LPAR1: variants seen among roughly 807,000 people sequenced by gnomAD.
LPAR1 encodes LPA receptor 1.
In LPAR1, 5 loss-of-function variants were observed where a neutral mutation model predicts 23.8. The ratio of observed to expected loss-of-function variants is 0.21; its 90% CI spans 0.11 to 0.44. LPAR1 has a LOEUF of 0.44. Among genes scored for constraint, LPAR1 ranks in the 20% least tolerant of loss-of-function variants. LPAR1 has a pLI of 0.99. For missense variants in LPAR1, 311 were observed against 482.8 expected (o/e 0.64, Z 3.33); for synonymous variants, 160 against 164.7 (o/e 0.97, Z 0.22).
At chr9:110,889,316 CCACTG>C (rs1297238412) in intron 5 of LPAR1, among the ~76,000 whole-genome samples, 1 of 152,046 alleles carries the variant, frequency 6.6e-6, no homozygotes, top group Non-Finnish European at 1.5e-5. Context: ...CGAGATTGTA[CCACTG>C]CACTCCAGCC....
At chr9:110,897,085 T>C (rs184451483) in intron 5 of LPAR1, among the ~76,000 whole-genome samples, 10 of 152,236 alleles carry the variant, frequency 6.6e-5, no homozygotes, top group Admixed American at 2.6e-4. Flanking sequence ...GTGAACTCTT[T>C]AATCAGACAG....
intron 5 of LPAR1, among the ~76,000 whole-genome samples, chr9:110,897,325 T>A (rs1050065636): frequency 1.3e-5 from 2 of 152,176 alleles, no homozygotes; most frequent in Admixed American, 1.3e-4. Flanking sequence ...GCTCTCTCTT[T>A]GCCTGCCGCC....
Position 111,008,475 on chromosome 9 carries a change from C to T in LPAR1, c.-182+27647G>A, listed in dbSNP as rs567372128. On this transcript the variant is annotated intron_variant, in intron 2 of 5. Transcript: ENST00000683809. Reference sequence around the variant, plus strand: ...ATAATAAACTAGGGAGTCTGTCAGCCGATTATATCCCAATAATCCCAGGTG... The same window carrying T: ...ATAATAAACTAGGGAGTCTGTCAGCTGATTATATCCCAATAATCCCAGGTG... Among the ~76,000 whole-genome samples the T allele has an allele frequency of 2.2e-4, 34 of 152,136 alleles. No individual in the cohort carries two copies. In the South Asian group the frequency reaches 4.4e-3, roughly 20 times the overall value.
chr9:110,954,710 A>C (rs2095679970), intron 4 of LPAR1, among the ~76,000 whole-genome samples: 1 of 152,068 alleles, frequency 6.6e-6, no homozygotes. Flanking sequence ...AAAAACAAAC[A>C]AACAAACAAA....
intron 5 of LPAR1, among the ~76,000 whole-genome samples, chr9:110,939,666 A>G (rs1013339291): frequency 2.7e-5 from 4 of 149,782 alleles, no homozygotes; most frequent in African/African-American, 9.9e-5. Flanking sequence ...AAGAGGCACA[A>G]AAGTATGTGA....
At chr9:110,997,664 A>G (rs2097043887) in intron 2 of LPAR1, among the ~76,000 whole-genome samples, 1 of 152,184 alleles carries the variant, frequency 6.6e-6, no homozygotes, top group Admixed American at 6.5e-5. Flanking sequence ...AAGTCTCCTT[A>G]ATTCTGAAGC....
At chr9:110,984,407 C>T (rs1391575338) in intron 2 of LPAR1, among the ~76,000 whole-genome samples, 1 of 152,024 alleles carries the variant, frequency 6.6e-6, no homozygotes, top group African/African-American at 2.4e-5. Context: ...ATGACAAGAT[C>T]TTATTCCTTT....
At chr9:110,906,953 A>G (rs1048789770) in intron 5 of LPAR1, among the ~76,000 whole-genome samples, 3 of 141,126 alleles carry the variant, frequency 2.1e-5, no homozygotes, top group Non-Finnish European at 3.2e-5. Flanking sequence ...GATTCAGATT[A>G]ACATTTTAAT....
intron 5 of LPAR1, among the ~76,000 whole-genome samples, chr9:110,915,147 T>C (rs55705257): frequency 0.16 from 25,050 of 152,218 alleles, 2,627 homozygotes; most frequent in Admixed American, 0.24. Flanking sequence ...TGATTCATAG[T>C]TTTTCTTTAT....
At chr9:110,902,909 A>G (rs543984126) in intron 5 of LPAR1, among the ~76,000 whole-genome samples, 1 of 152,300 alleles carries the variant, frequency 6.6e-6, no homozygotes, top group South Asian at 2.1e-4. Flanking sequence ...AGACGCCAGG[A>G]GGAACCCTAG....
At chr9:110,930,741 C>G (rs903399360) in intron 5 of LPAR1, among the ~76,000 whole-genome samples, 2 of 151,806 alleles carry the variant, frequency 1.3e-5, no homozygotes, top group Admixed American at 1.3e-4. Context: ...CATGGAGAAA[C>G]CCCGTCTCTA....
At chr9:110,904,772 A>G (rs2090631344) in intron 5 of LPAR1, among the ~76,000 whole-genome samples, 1 of 152,232 alleles carries the variant, frequency 6.6e-6, no homozygotes, top group South Asian at 2.1e-4. Context: ...GACCACACCC[A>G]GTGATAATTC....
intron 2 of LPAR1, among the ~76,000 whole-genome samples, chr9:111,017,836 A>G (rs1489999925): frequency 1.3e-5 from 2 of 152,130 alleles, no homozygotes; most frequent in Non-Finnish European, 2.9e-5. Flanking sequence ...CCTGGCCAAC[A>G]TGGTGAAACC....
chr9:110,961,617 CAAA>C (rs57773067), intron 4 of LPAR1, among the ~76,000 whole-genome samples: 13,761 of 79,504 alleles, frequency 0.17, 676 homozygotes, highest in South Asian at 0.26. Context: ...GAGACTATCT[CAAA>C]AAAAAAAAAA....
chr9:111,038,516 G>A, upstream of LPAR1: 1 of 438,078 alleles, frequency 2.3e-6, no homozygotes, highest in Non-Finnish European at 4.6e-6. The surrounding 1 kb of genome is among the most constrained non-coding windows in gnomAD (Gnocchi z 4.4). Context: ...CAGAGGGAGG[G>A]CCAGAGGAGC....
chr9:110,904,619 G>A (rs915422981), intron 5 of LPAR1, among the ~76,000 whole-genome samples: 12 of 152,178 alleles, frequency 7.9e-5, no homozygotes, highest in Non-Finnish European at 1.2e-4. Flanking sequence ...TAGACTAGGA[G>A]CTACCTCATT....
chr9:110,948,195 A>G (rs2095451415), intron 4 of LPAR1, among the ~76,000 whole-genome samples: 1 of 152,204 alleles, frequency 6.6e-6, no homozygotes, highest in Non-Finnish European at 1.5e-5. Flanking sequence ...AAAAGATTAG[A>G]AAAGAGACAG....
chr9:111,035,813 G>T (rs2097882851), intron 2 of LPAR1, among the ~76,000 whole-genome samples: 1 of 152,160 alleles, frequency 6.6e-6, no homozygotes. Flanking sequence ...CTGAATACTT[G>T]GAGCTTCCCA....
chr9:110,975,631 A>T (rs555961228), intron 2 of LPAR1, among the ~76,000 whole-genome samples: 30 of 152,340 alleles, frequency 2.0e-4, no homozygotes, highest in African/African-American at 6.0e-4. Flanking sequence ...AATGTCAGAT[A>T]AAAAATGGAG....
Sources: gnomAD v4.1 joint callset for allele counts (sites outside exome capture counted in the v4.1 genomes callset) on GRCh38, gnomAD v4.1.1 for gene constraint, Gnocchi (gnomAD v3.1) non-coding constraint, MANE v1.5 for transcripts, NCBI Gene and HGNC (gene_info 2026-07-23, HGNC 2026-07-21) for gene names.